Variants in SPPL2A observed in about 807,000 individuals in gnomAD.
The protein encoded by SPPL2A is signal peptide peptidase-like 2A.
In SPPL2A, 51 loss-of-function variants were observed where a neutral mutation model predicts 63.8. That is an observed-to-expected ratio of 0.80 (90% confidence interval 0.64 to 1.01). The LOEUF (loss-of-function observed/expected upper bound fraction) is 1.01. SPPL2A is among the 50% of genes least tolerant of loss of function. SPPL2A has a pLI of 0.00. For missense variants in SPPL2A, 553 were observed against 622.7 expected (o/e 0.89, Z 1.19); for synonymous variants, 188 against 205.8 (o/e 0.91, Z 0.74).
intron 1 of SPPL2A, among the ~76,000 whole-genome samples, chr15:50,764,252 A>G (rs1479316909): frequency 6.6e-6 from 1 of 152,208 alleles, no homozygotes; most frequent in Non-Finnish European, 1.5e-5. Context: ...TCTACATACT[A>G]TCTGAATATC....
chr15:50,718,884 A>G (rs2062621004), intron 14 of SPPL2A, among the ~76,000 whole-genome samples: 2 of 152,088 alleles, frequency 1.3e-5, no homozygotes, highest in South Asian at 4.1e-4. Context: ...TCACGTGTCA[A>G]CTGACACAGA....
chr15:50,724,346 G>C (rs1300503876), intron 12 of SPPL2A, among the ~76,000 whole-genome samples: 1 of 152,172 alleles, frequency 6.6e-6, no homozygotes, highest in African/African-American at 2.4e-5. Context: ...GGAGGCCGAA[G>C]CGGGCAGATC....
At chr15:50,717,172 TG>T (rs2141022275) in intron 14 of SPPL2A, among the ~76,000 whole-genome samples, 1 of 152,268 alleles carries the variant, frequency 6.6e-6, no homozygotes, top group East Asian at 1.9e-4. Context: ...ACTTCTTTTT[TG>T]TTTGTGTTTT....
intron 5 of SPPL2A, among the ~76,000 whole-genome samples, chr15:50,740,979 T>C (rs187699578): frequency 1.3e-5 from 2 of 152,270 alleles, no homozygotes; most frequent in East Asian, 3.9e-4. Flanking sequence ...TAGTCTATGC[T>C]CATCAATGTA....
At chr15:50,762,615 C>G (rs911549542) in intron 1 of SPPL2A, among the ~76,000 whole-genome samples, 6 of 152,114 alleles carry the variant, frequency 3.9e-5, no homozygotes, top group Admixed American at 1.3e-4. Flanking sequence ...TCCTCTGCCT[C>G]TTCTAGATGG....
intron 10 of SPPL2A, 120 bp from the exon 11 acceptor site, chr15:50,726,497 G>T: frequency 1.1e-6 from 1 of 896,548 alleles, no homozygotes; most frequent in South Asian, 1.6e-5. Flanking sequence ...ATGGGCTGCA[G>T]ACTGCTTTTT....
intron 6 of SPPL2A, among the ~76,000 whole-genome samples, chr15:50,739,416 T>C (rs1194874818): frequency 1.3e-5 from 2 of 152,044 alleles, no homozygotes; most frequent in Non-Finnish European, 2.9e-5. Flanking sequence ...CAACCTCAGG[T>C]GATCTGTCCA....
intron 1 of SPPL2A, among the ~76,000 whole-genome samples, chr15:50,759,813 G>T (rs894324453): frequency 6.6e-6 from 1 of 151,900 alleles, no homozygotes. Flanking sequence ...AAAGACCTTG[G>T]TTCTAGTCCT....
chr15:50,718,877 C>T (rs1337201102), intron 14 of SPPL2A, among the ~76,000 whole-genome samples: 3 of 152,074 alleles, frequency 2.0e-5, no homozygotes, highest in Non-Finnish European at 2.9e-5. Flanking sequence ...TTTTTGTTCA[C>T]GTGTCAACTG....
chr15:50,712,754 C>T (rs768628772), intron 14 of SPPL2A, among the ~76,000 whole-genome samples: 11 of 142,454 alleles, frequency 7.7e-5, no homozygotes, highest in African/African-American at 2.6e-4. Context: ...ATCTCGATCT[C>T]GGCTCACTTC....
intron 10 of SPPL2A, among the ~76,000 whole-genome samples, chr15:50,728,770 G>C (rs2141032495): frequency 6.6e-6 from 1 of 151,566 alleles, no homozygotes; most frequent in Non-Finnish European, 1.5e-5. Flanking sequence ...AGTCTCCCGA[G>C]TAGCTGGGAC....
intron 5 of SPPL2A, chr15:50,743,019 C>G (rs1362981424): frequency 6.6e-6 from 1 of 152,462 alleles, no homozygotes; most frequent in African/African-American, 2.4e-5. Context: ...CACCTGTAAT[C>G]CCAGCACTTT....
intron 4 of SPPL2A, 109 bp downstream of exon 4, chr15:50,748,001 GCTT>G: frequency 2.0e-6 from 1 of 510,642 alleles, no homozygotes; most frequent in South Asian, 5.1e-5. Flanking sequence ...AGGCCTTATA[GCTT>G]CTTGTTAGCA....
rs1035910628 is a variant in SPPL2A at position 50,702,345 on chromosome 15, CATAATG to C, written c.*5449_*5454del. On this transcript the variant is annotated 3_prime_UTR_variant, in exon 15 of 15. Transcript: ENST00000261854. ...ATTGTTTTTCTTGTCAGTATTGGCA[CATAATG>C]ATAAAGTACTGCTAAATTAACACTT... 3.4e-4 allele frequency: 52 copies of C among 152,024 alleles called. No individual in the cohort carries two copies. The highest frequency in any genetic ancestry group is 1.1e-3 in the African/African-American group (46 of 41,408). The allele number at this position is 152,024 out of a possible 1,614,324, so 9.4% of individuals were successfully genotyped here.
intron 1 of SPPL2A, among the ~76,000 whole-genome samples, chr15:50,753,853 A>G (rs907091197): frequency 6.6e-6 from 1 of 151,996 alleles, no homozygotes; most frequent in Non-Finnish European, 1.5e-5. Flanking sequence ...CTGGAGTGCA[A>G]TGGCGTGATC....
intron 14 of SPPL2A, among the ~76,000 whole-genome samples, chr15:50,717,873 A>G (rs2062609345): frequency 6.6e-6 from 1 of 151,458 alleles, no homozygotes; most frequent in Admixed American, 6.6e-5. Context: ...TGGATATCCC[A>G]TCTATAGTTT....
At position 50,708,534 on chromosome 15, in the gene SPPL2A, C is replaced by T. The variant is rs532491140; in HGVS notation, c.1489-660G>A. 1.4e-3 allele frequency among the ~76,000 whole-genome samples: 207 copies of T among 151,646 alleles called. 2 individuals are homozygous for T. The Middle Eastern group carries it at 0.044, about 32-fold the overall frequency. ...CAGCCTGGCCAAGATGGTGAAACCC[C>T]GTCTCTAATAAAAATACAAAAATTA... On this transcript the variant is annotated intron_variant, in intron 14 of 14. Transcript: ENST00000261854.
chr15:50,723,464 A>G (rs560809335), intron 12 of SPPL2A, among the ~76,000 whole-genome samples: 1 of 151,974 alleles, frequency 6.6e-6, no homozygotes, highest in Admixed American at 6.6e-5. Context: ...AGACTGGAAT[A>G]CTATTCAGTT....
At chr15:50,717,716 C>T (rs895466895) in intron 14 of SPPL2A, among the ~76,000 whole-genome samples, 2 of 152,130 alleles carry the variant, frequency 1.3e-5, no homozygotes, top group African/African-American at 4.8e-5. Context: ...CTAGCATGTG[C>T]CATGTTCTCT....
Sources: gnomAD v4.1 joint callset for allele counts (sites outside exome capture counted in the v4.1 genomes callset) on GRCh38, gnomAD v4.1.1 for gene constraint, MANE v1.5 for transcripts, NCBI Gene and HGNC (gene_info 2026-07-23, HGNC 2026-07-21) for gene names.